Variants in FNDC3B observed in about 807,000 individuals in gnomAD.
FNDC3B encodes the protein fibronectin type III domain containing 3B.
Under a neutral mutation model 151.5 loss-of-function variants are expected in FNDC3B, and 12 were observed. That is an observed-to-expected ratio of 0.08 (90% CI 0.05 to 0.13). The LOEUF (loss-of-function observed/expected upper bound fraction) is 0.13, where lower values mean the gene tolerates loss of function less well. Among genes scored for constraint, FNDC3B ranks in the 10% least tolerant of loss-of-function variants. FNDC3B has a pLI of 1.00. For synonymous variants in FNDC3B, 528 were observed against 549.0 expected (o/e 0.96, Z 0.54); for missense variants, 1,214 against 1,505.3 (o/e 0.81, Z 3.20).
In FNDC3B at chr3:172,334,962, G is replaced by A. The variant is rs1340532035; in HGVS notation, c.1660G>A (p.Glu554Lys). 13 of 1,613,452 alleles carry A rather than the reference G, an allele frequency of 8.1e-6. No individual in the cohort carries two copies. Among genetic ancestry groups the A allele is most frequent in the Non-Finnish European group, 1.1e-5 (13 of 1,179,770 alleles). Residue 554 changes from glutamate (E) to lysine (K), a missense_variant, in exon 15 of 26, where the codon GAA (glutamate) becomes AAA (lysine). By Grantham distance (56) the Glu-to-Lys change is moderately conservative (BLOSUM62 1). This residue lies in a region of FNDC3B where 380 missense variants were observed against 420.9 expected (regional missense o/e 0.90). Transcript: ENST00000415807. ...YKFRLTASNT[E>K]GKSCPSEVLV... ...GTTCTAGCTGACTGCTTCTAATACGGAAGGAAAAAGCTGTCCAAGCGAAGT... is the reference window on the plus strand; with the variant it reads ...GTTCTAGCTGACTGCTTCTAATACGAAAGGAAAAAGCTGTCCAAGCGAAGT...
intron 2 of FNDC3B, among the ~76,000 whole-genome samples, chr3:172,126,494 A>G (rs1015547493): frequency 1.3e-5 from 2 of 152,214 alleles, no homozygotes; most frequent in African/African-American, 4.8e-5. Context: ...TAGTAACTCA[A>G]ATCTAGAAAG....
At chr3:172,370,621 A>G (rs1734838051) in intron 23 of FNDC3B, among the ~76,000 whole-genome samples, 1 of 152,244 alleles carries the variant, frequency 6.6e-6, no homozygotes, top group Non-Finnish European at 1.5e-5. Flanking sequence ...GTTCAAGTTT[A>G]CAGTGAAGGT....
chr3:172,278,069 A>T (rs901354628), intron 6 of FNDC3B, among the ~76,000 whole-genome samples: 1 of 152,222 alleles, frequency 6.6e-6, no homozygotes, highest in African/African-American at 2.4e-5. Context: ...TTATTCCCAA[A>T]TAATTCAGTC....
chr3:172,347,145 G>T, intron 20 of FNDC3B, 67 bp from the exon 21 acceptor site: 1 of 1,402,938 alleles, frequency 7.1e-7, no homozygotes, highest in East Asian at 2.4e-5. Flanking sequence ...TTAGTTAATT[G>T]AATACAAGCA....
intron 25 of FNDC3B, among the ~76,000 whole-genome samples, chr3:172,382,919 T>A (rs1285253426): frequency 2.0e-5 from 3 of 152,214 alleles, no homozygotes; most frequent in African/African-American, 4.8e-5. Flanking sequence ...CCAGCTTTGT[T>A]CTTTTTGCTT....
rs1438814452 is a variant in FNDC3B, at chr3:172,133,516, G to A, written c.157G>A (p.Ala53Thr). The A allele has an allele frequency of 5.0e-6, 8 of 1,613,270 alleles. No homozygotes were observed. Among genetic ancestry groups the A allele is most frequent in the Non-Finnish European group, 6.8e-6 (8 of 1,179,314 alleles). The change falls in exon 3 of 26, where the codon GCA becomes ACA. Residue 53 changes from alanine to threonine, a missense_variant. By Grantham distance (58) the Ala-to-Thr change is moderately conservative. Coordinates refer to ENST00000415807, the MANE Select transcript of FNDC3B (RefSeq NM_022763.4). ...VNPGETFTIR[A>T]EDGTLQCIQG... is the part of the protein sequence containing the mutation. ...TCCAGGTGAGACTTTCACAATAAGA[G>A]CAGAGGATGGAACACTTCAGTGCAT...
In FNDC3B at chr3:172,040,449, C is replaced by T. The variant is rs1007621825; in HGVS notation, c.-29+678C>T. 1 of 152,074 alleles carries T rather than the reference C, an allele frequency of 6.6e-6. No individual in the cohort carries two copies. The highest frequency in any genetic ancestry group is 2.4e-5 in the African/African-American group (1 of 41,404). The allele number at this position is 152,074 out of a possible 1,614,324, so 9.4% of individuals were successfully genotyped here. On this transcript the variant is annotated intron_variant, in intron 1 of 25. Coordinates refer to ENST00000415807, the MANE Select transcript of FNDC3B (RefSeq NM_022763.4). This position sits in a 1 kb window ranked among gnomAD's most constrained non-coding sequence, Gnocchi z 6.6. ...ACACTCCCCGCCCCGCTGCTGGCCA[C>T]CTCCGAGCACGCCACGTCCTCCTCC...
chr3:172,246,564 C>T (rs1436834818), intron 4 of FNDC3B, among the ~76,000 whole-genome samples: 1 of 152,186 alleles, frequency 6.6e-6, no homozygotes, highest in Non-Finnish European at 1.5e-5. Flanking sequence ...ATTGTGCTGC[C>T]TTCGTTGCTC....
intron 6 of FNDC3B, among the ~76,000 whole-genome samples, chr3:172,256,498 C>G (rs1728354065): frequency 6.6e-6 from 1 of 152,184 alleles, no homozygotes; most frequent in African/African-American, 2.4e-5. Context: ...TGAGCCTGTT[C>G]TGTGGCCAAA....
At chr3:172,048,159 T>C (rs1271709193) in intron 1 of FNDC3B, among the ~76,000 whole-genome samples, 1 of 152,226 alleles carries the variant, frequency 6.6e-6, no homozygotes, top group Non-Finnish European at 1.5e-5. Flanking sequence ...CGAGGTTTTC[T>C]AGTATGTGTC....
intron 4 of FNDC3B, among the ~76,000 whole-genome samples, chr3:172,231,492 C>A (rs1338684424): frequency 1.3e-5 from 2 of 152,156 alleles, no homozygotes; most frequent in African/African-American, 4.8e-5. Flanking sequence ...AAGACAGTGA[C>A]ACGTCCCAGT....
chr3:172,099,697 C>T (rs1719283178), intron 1 of FNDC3B, among the ~76,000 whole-genome samples: 1 of 152,196 alleles, frequency 6.6e-6, no homozygotes, highest in South Asian at 2.1e-4. Context: ...GAATTTGCCT[C>T]ACAAATGTTC....
At chr3:172,276,426 C>T (rs1729436924) in intron 6 of FNDC3B, among the ~76,000 whole-genome samples, 1 of 152,048 alleles carries the variant, frequency 6.6e-6, no homozygotes. Context: ...TAAAAAGAAT[C>T]TGGGTTCAAG....
chr3:172,218,780 A>G (rs1294979893), intron 3 of FNDC3B, among the ~76,000 whole-genome samples: 1 of 152,174 alleles, frequency 6.6e-6, no homozygotes, highest in African/African-American at 2.4e-5. Context: ...AAGCCTCTTT[A>G]GCGCCTTCCT....
chr3:172,122,257 C>T lies in FNDC3B; in HGVS notation c.111+9667C>T, dbSNP rs536803605. 4.8e-4 allele frequency among the ~76,000 whole-genome samples: 73 copies of T among 151,170 alleles called. 1 individual carries two copies. Among genetic ancestry groups the T allele is most frequent in the African/African-American group, 1.7e-3 (71 of 41,176 alleles). On this transcript the variant is annotated intron_variant, in intron 2 of 25. Coordinates refer to ENST00000415807, the MANE Select transcript of FNDC3B (RefSeq NM_022763.4). ...AATTCGTAACATTAATCTCCAAGTT[C>T]CAAATGCAGATACTCATTCTCGTTC... is the stretch of plus-strand genomic sequence containing the variant.
intron 3 of FNDC3B, among the ~76,000 whole-genome samples, chr3:172,142,724 C>T (rs1260728859): frequency 6.6e-6 from 1 of 152,204 alleles, no homozygotes; most frequent in African/African-American, 2.4e-5. Context: ...AGGAGGCATT[C>T]AGACTGAAGG....
intron 3 of FNDC3B, among the ~76,000 whole-genome samples, chr3:172,179,857 CCAAA>C (rs1169132631): frequency 2.1e-4 from 9 of 43,388 alleles, no homozygotes; most frequent in East Asian, 5.3e-4. Flanking sequence ...GGCCCTGTCT[CCAAA>C]AAAAAAAAAA....
intron 9 of FNDC3B, among the ~76,000 whole-genome samples, chr3:172,305,007 A>T (rs1731124978): frequency 6.6e-6 from 1 of 152,104 alleles, no homozygotes; most frequent in African/African-American, 2.4e-5. Context: ...TGAAGGCTTA[A>T]TTTTTACTTT....
chr3:172,266,349 T>C (rs886395251), intron 6 of FNDC3B, among the ~76,000 whole-genome samples: 2 of 152,176 alleles, frequency 1.3e-5, no homozygotes, highest in African/African-American at 2.4e-5. Flanking sequence ...TTCTTTTTTT[T>C]CCCCCATAGA....
Sources: gnomAD v4.1 joint callset for allele counts (sites outside exome capture counted in the v4.1 genomes callset) on GRCh38, gnomAD v4.1.1 for gene constraint, gnomAD v4.1.1 regional missense constraint, Gnocchi (gnomAD v3.1) non-coding constraint, MANE v1.5 for transcripts, NCBI Gene and HGNC (gene_info 2026-07-23, HGNC 2026-07-21) for gene names.